ASIC2: variants seen among roughly 807,000 people sequenced by gnomAD.
ASIC2 encodes acid sensing ion channel subunit 2, also known as acid-sensing ion channel 2.
ASIC2 carries 25 observed loss-of-function variants against 57.3 expected under a neutral mutation model. The ratio of observed to expected loss-of-function variants is 0.44; its 90% confidence interval spans 0.32 to 0.61. The LOEUF is 0.61. ASIC2 is among the 20% of genes least tolerant of loss of function. The pLI, the probability that ASIC2 is intolerant of heterozygous loss-of-function variation, is 0.06. For synonymous variants in ASIC2, 319 were observed against 307.5 expected (o/e 1.04, Z -0.39); for missense variants, 641 against 738.1 (o/e 0.87, Z 1.52).
At chr17:33,854,177 C>T (rs566296249) in intron 1 of ASIC2, among the ~76,000 whole-genome samples, 1 of 152,258 alleles carries the variant, frequency 6.6e-6, no homozygotes, top group African/African-American at 2.4e-5. Context: ...AGTTAATGGC[C>T]TAGCATCAAC....
intron 1 of ASIC2, among the ~76,000 whole-genome samples, chr17:33,594,345 C>T (rs540458699): frequency 1.3e-5 from 2 of 152,340 alleles, no homozygotes; most frequent in African/African-American, 4.8e-5. Context: ...CTGGGGATGG[C>T]TGGATCAGGT....
At chr17:33,372,991 C>T (rs983085809) in intron 1 of ASIC2, among the ~76,000 whole-genome samples, 4 of 152,142 alleles carry the variant, frequency 2.6e-5, no homozygotes, top group Admixed American at 6.5e-5. Flanking sequence ...GGAACACCTC[C>T]ATCAGTGATG....
intron 1 of ASIC2, among the ~76,000 whole-genome samples, chr17:34,107,630 CA>C (rs1911109491): frequency 6.6e-6 from 1 of 152,170 alleles, no homozygotes; most frequent in Non-Finnish European, 1.5e-5. Flanking sequence ...AGGAGTTTAT[CA>C]ATTATTTTCA....
intron 1 of ASIC2, among the ~76,000 whole-genome samples, chr17:33,555,045 C>A (rs760231435): frequency 7.9e-5 from 12 of 152,132 alleles, no homozygotes; most frequent in Non-Finnish European, 1.8e-4. Flanking sequence ...ATTTGAAGAT[C>A]AAATCCAGAT....
chr17:34,024,685 CA>C (rs1351838820), intron 1 of ASIC2, among the ~76,000 whole-genome samples: 2 of 152,316 alleles, frequency 1.3e-5, no homozygotes, highest in African/African-American at 4.8e-5. Flanking sequence ...GAGACATGCT[CA>C]AAACCTGGCC....
chr17:33,984,170 G>T (rs532962778), intron 1 of ASIC2: 11 of 152,362 alleles, frequency 7.2e-5, no homozygotes, highest in African/African-American at 2.6e-4. Context: ...CTCCAATGGA[G>T]GGGAGTGGAC....
At chr17:33,132,669 T>C (rs2092351864) in intron 1 of ASIC2, among the ~76,000 whole-genome samples, 1 of 152,150 alleles carries the variant, frequency 6.6e-6, no homozygotes, top group African/African-American at 2.4e-5. Context: ...GTAGGTGAAG[T>C]TTTCCAGACC....
intron 1 of ASIC2, among the ~76,000 whole-genome samples, chr17:33,243,259 G>A (rs887496732): frequency 1.3e-5 from 2 of 152,206 alleles, no homozygotes; most frequent in African/African-American, 2.4e-5. Flanking sequence ...CAGATAATAT[G>A]ACTGATCTTC....
intron 1 of ASIC2, among the ~76,000 whole-genome samples, chr17:33,317,579 G>C (rs376283852): frequency 1.3e-5 from 2 of 152,242 alleles, no homozygotes; most frequent in African/African-American, 2.4e-5. Flanking sequence ...TTCAGCTTAG[G>C]AGAATAATAA....
At chr17:33,017,954 G>A (rs73273968) in intron 7 of ASIC2, among the ~76,000 whole-genome samples, 1 of 152,178 alleles carries the variant, frequency 6.6e-6, no homozygotes, top group Non-Finnish European at 1.5e-5. Flanking sequence ...GGGCTAACGG[G>A]GTTGTTTGGT....
chr17:33,316,799 A>G (rs1054551828), intron 1 of ASIC2, among the ~76,000 whole-genome samples: 46 of 152,220 alleles, frequency 3.0e-4, no homozygotes, highest in Admixed American at 1.3e-4. Context: ...AATTAGAACA[A>G]TAAGCCCAGG....
chr17:33,928,430 C>G (rs375086028), intron 1 of ASIC2, among the ~76,000 whole-genome samples: 1 of 152,292 alleles, frequency 6.6e-6, no homozygotes, highest in East Asian at 1.9e-4. Context: ...AATCACTGCT[C>G]TAAGGTGACC....
chr17:33,949,479 A>G (rs1406212184), intron 1 of ASIC2, among the ~76,000 whole-genome samples: 5 of 152,214 alleles, frequency 3.3e-5, no homozygotes, highest in African/African-American at 1.2e-4. Flanking sequence ...TAAATTTATA[A>G]GTTTTATTTT....
At chr17:33,573,278 C>A (rs1159365831) in intron 1 of ASIC2, among the ~76,000 whole-genome samples, 2 of 152,204 alleles carry the variant, frequency 1.3e-5, no homozygotes, top group Non-Finnish European at 2.9e-5. Context: ...CTGCTATTTT[C>A]TTTGTCATTT....
chr17:33,356,866 T>C (rs116118894), intron 1 of ASIC2, among the ~76,000 whole-genome samples: 1,615 of 152,178 alleles, frequency 0.011, 38 homozygotes, highest in African/African-American at 0.037. Context: ...TGCTCACTGC[T>C]GCTGCTGCAT....
chr17:33,671,875 T>G (rs1907649644), intron 1 of ASIC2, among the ~76,000 whole-genome samples: 1 of 152,202 alleles, frequency 6.6e-6, no homozygotes, highest in African/African-American at 2.4e-5. Context: ...AAGTCAGGCT[T>G]GGAACCTTGA....
intron 1 of ASIC2, chr17:34,004,087 T>C (rs1286115283): frequency 6.6e-6 from 1 of 152,190 alleles, no homozygotes; most frequent in Non-Finnish European, 1.5e-5. Flanking sequence ...CCAGTTATGG[T>C]GGGACCCTTT....
intron 1 of ASIC2, among the ~76,000 whole-genome samples, chr17:33,303,184 C>A (rs970474917): frequency 6.6e-6 from 1 of 152,184 alleles, no homozygotes; most frequent in Non-Finnish European, 1.5e-5. Context: ...ATTAGAAAAG[C>A]AGAACACCCA....
At chr17:33,024,621 T>C (rs1199043818) in intron 5 of ASIC2, among the ~76,000 whole-genome samples, 1 of 152,228 alleles carries the variant, frequency 6.6e-6, no homozygotes, top group East Asian at 1.9e-4. Context: ...GCCAGGCTCT[T>C]CAGAACCCTG....
Sources: allele counts gnomAD v4.1 joint callset (sites outside exome capture counted in the v4.1 genomes callset), GRCh38; gene constraint gnomAD v4.1.1; transcripts MANE v1.5; gene names NCBI Gene and HGNC (gene_info 2026-07-23, HGNC 2026-07-21).